The following RIOX2 variants were observed in gnomAD, a reference collection of about 807,000 sequenced individuals.
The protein encoded by RIOX2 is ribosomal oxygenase 2, also known as 60S ribosomal protein L27a histidine hydroxylase.
In RIOX2, 43 loss-of-function variants were observed where a neutral mutation model predicts 51.2. That is an observed-to-expected ratio of 0.84 (90% CI 0.66 to 1.08). RIOX2 has a LOEUF of 1.08. Ranked by LOEUF, RIOX2 falls within the 50% of genes least tolerant of loss-of-function variation. RIOX2 has a pLI of 0.00. For synonymous variants in RIOX2, 226 were observed against 218.5 expected, an observed-to-expected ratio of 1.03 and a Z score of -0.30; for missense variants, 566 against 561.7, an observed-to-expected ratio of 1.01 and a Z score of -0.08.
At chr3:97,951,021 T>C (rs1486614851) in intron 5 of RIOX2, 133 bp from the exon 6 acceptor site, 2 of 642,812 alleles carry the variant, frequency 3.1e-6, no homozygotes, top group African/African-American at 3.6e-5. Flanking sequence ...CATTTTGAGT[T>C]CCATTAATTG....
intron 8 of RIOX2, among the ~76,000 whole-genome samples, chr3:97,946,832 C>T (rs1427491496): frequency 2.0e-5 from 3 of 151,714 alleles, no homozygotes; most frequent in Admixed American, 6.6e-5. Flanking sequence ...TCCAAAGGCT[C>T]CAAGACCAGA....
At chr3:97,950,627 G>A (rs1256959437) in intron 6 of RIOX2, among the ~76,000 whole-genome samples, 159 bp downstream of exon 6, 1 of 152,096 alleles carries the variant, frequency 6.6e-6, no homozygotes, top group East Asian at 1.9e-4. Flanking sequence ...ATAACACATG[G>A]CACTCCACTC....
Position 97,943,211 on chromosome 3 carries a change from G to T in RIOX2, c.*1973C>A. 6.9e-7 allele frequency: 1 copy of T among 1,456,100 alleles called. No individual in the cohort carries two copies. The highest frequency in any genetic ancestry group is 1.2e-5 in the South Asian group (1 of 83,774). The allele number at this position is 1,456,100 out of a possible 1,614,324, so 90.2% of individuals were successfully genotyped here. A position where few individuals can be genotyped will look rare whatever the true frequency, so the allele number is the denominator to read the frequency against. ...CCTGAACAAATAATCTTTTCTTTTG[G>T]AATTTCTATTTTAGGAGGAAATTAT... On this transcript the variant is annotated 3_prime_UTR_variant, in exon 10 of 10. Coordinates refer to ENST00000394198, the MANE Select transcript of RIOX2 (RefSeq NM_153182.4).
chr3:97,963,320 G>A (rs373615962), intron 2 of RIOX2, among the ~76,000 whole-genome samples: 2 of 152,040 alleles, frequency 1.3e-5, no homozygotes, highest in African/African-American at 4.8e-5. Context: ...AGAGATGGTG[G>A]TCTCACTTTG....
intron 1 of RIOX2, chr3:97,971,910 A>C (rs1011139448): frequency 2.0e-5 from 3 of 152,210 alleles, no homozygotes; most frequent in Admixed American, 6.5e-5. Context: ...TTCTCCCCAC[A>C]CACCTGAACT....
In RIOX2 at chr3:97,943,362, A is replaced by G. The variant is rs548143220; in HGVS notation, c.*1822T>C. 9.4e-7 allele frequency: 1 copy of G among 1,063,752 alleles called. No individual in the cohort carries two copies. The highest frequency in any genetic ancestry group is 1.3e-5 in the South Asian group (1 of 76,470). 65.9% of individuals were successfully genotyped at this position (1,063,752 alleles called of 1,614,324 possible). On this transcript the variant is annotated 3_prime_UTR_variant, in exon 10 of 10. Transcript: ENST00000394198. ...ATCCCTAGAAAGAGCAAAGAAGGAA[A>G]CACATCTGTCATTGTCTTGTGGACG...
chr3:97,969,854 T>C (rs1239700958), intron 1 of RIOX2, among the ~76,000 whole-genome samples: 1 of 152,206 alleles, frequency 6.6e-6, no homozygotes, highest in Admixed American at 6.5e-5. Flanking sequence ...CTGTGCTTGA[T>C]ATCTTTTCCC....
intron 4 of RIOX2, 61 bp from the exon 5 acceptor site, chr3:97,954,556 A>C: frequency 7.3e-7 from 1 of 1,365,920 alleles, no homozygotes; most frequent in Non-Finnish European, 1.0e-6. Context: ...AGTCCTCTTC[A>C]TTTCAGGGAG....
rs983097577 is a variant in RIOX2, at chr3:97,972,399, C to G, written c.-58G>C. 6.6e-6 allele frequency: 1 copy of G among 151,342 alleles called. No homozygotes were observed. The highest frequency in any genetic ancestry group is 2.4e-5 in the African/African-American group (1 of 41,326). The allele number at this position is 151,342 out of a possible 1,614,324, so 9.4% of individuals were successfully genotyped here. On this transcript the variant is annotated 5_prime_UTR_variant, in exon 1 of 10. Transcript: ENST00000394198. The stretch of plus-strand genomic sequence containing the variant: ...CACTCACCCGGCACGGCCTGTTGCT[C>G]GCGGCCGCGAGCCCACTGCGTTGCG...
chr3:97,962,410 C>CT (rs1705720508), intron 2 of RIOX2, among the ~76,000 whole-genome samples: 2 of 122,258 alleles, frequency 1.6e-5, no homozygotes, highest in Non-Finnish European at 3.2e-5. Context: ...GAAGTTCTGG[C>CT]AGAAACTAAG....
intron 4 of RIOX2, among the ~76,000 whole-genome samples, chr3:97,955,740 T>C (rs1046140544): frequency 6.6e-6 from 1 of 152,174 alleles, no homozygotes; most frequent in African/African-American, 2.4e-5. Context: ...AATGGGGTTA[T>C]GTTCTGAGAA....
chr3:97,961,747 G>T (rs1559762768), intron 2 of RIOX2, 39 bp from the exon 3 acceptor site: 2 of 1,549,136 alleles, frequency 1.3e-6, no homozygotes, highest in South Asian at 2.5e-5. Context: ...CGGCGTGGGG[G>T]AGTGAAAAAT....
At chr3:97,945,523 T>G (rs539555893) in intron 9 of RIOX2, 181 bp from the exon 10 acceptor site, 4 of 619,652 alleles carry the variant, frequency 6.5e-6, no homozygotes, top group Non-Finnish European at 1.1e-5. Context: ...CATCCTAATT[T>G]ATGTAGTAAG....
intron 2 of RIOX2, among the ~76,000 whole-genome samples, chr3:97,964,696 TAAA>T (rs1159985029): frequency 3.3e-5 from 2 of 60,210 alleles, no homozygotes; most frequent in Non-Finnish European, 3.1e-5. Flanking sequence ...GACTCTGTCT[TAAA>T]AAAAAAAAAA....
Position 97,961,680 on chromosome 3 carries a change from A to G in RIOX2, c.461T>C (p.Leu154Pro). The G allele has an allele frequency of 6.2e-7, 1 of 1,612,214 alleles. No homozygotes were observed. Among genetic ancestry groups the G allele is most frequent in the South Asian group, 1.1e-5 (1 of 90,712 alleles). The change falls in exon 3 of 10, where the codon CTG becomes CCG. Residue 154 changes from leucine (L) to proline (P), a missense_variant. Transcript: ENST00000394198. ...AACCAAGGAGCCAAAGTAACATTCC[A>G]GCTTCTCCTGGATCCTCCAAAGCTC... ...KDELWRIQEK[L>P]ECYFGSLVGS...
At chr3:97,961,238 T>C (rs912406152) in intron 3 of RIOX2, among the ~76,000 whole-genome samples, 3 of 152,182 alleles carry the variant, frequency 2.0e-5, no homozygotes, top group Non-Finnish European at 4.4e-5. Flanking sequence ...TGAAGGATTA[T>C]TTGTGACCTC....
At chr3:97,948,951 GTATGT>G (rs1705119199) in intron 7 of RIOX2, among the ~76,000 whole-genome samples, 1 of 152,114 alleles carries the variant, frequency 6.6e-6, no homozygotes, top group Non-Finnish European at 1.5e-5. Context: ...CCATCCAAAA[GTATGT>G]TATATCATTT....
chr3:97,946,602 A>ATATC (rs1553712272), intron 8 of RIOX2, among the ~76,000 whole-genome samples: 1 of 137,336 alleles, frequency 7.3e-6, no homozygotes, highest in African/African-American at 2.7e-5. Flanking sequence ...ATATATATAT[A>ATATC]TATATCTATT....
At chr3:97,958,914 C>T in intron 4 of RIOX2, 137 bp downstream of exon 4, 1 of 934,066 alleles carries the variant, frequency 1.1e-6, no homozygotes, top group Non-Finnish European at 1.5e-6. Flanking sequence ...ATGAGAAGCA[C>T]CCTGCCCTGA....
Sources: allele counts gnomAD v4.1 joint callset (sites outside exome capture counted in the v4.1 genomes callset), GRCh38; gene constraint gnomAD v4.1.1; transcripts MANE v1.5; gene names NCBI Gene and HGNC (gene_info 2026-07-23, HGNC 2026-07-21).